PLB1: variants seen among roughly 807,000 people sequenced by gnomAD.
PLB1 encodes the protein phospholipase B1, also known as phospholipase B1, membrane-associated.
Under a neutral mutation model 227.4 loss-of-function variants are expected in PLB1, and 242 were observed. The ratio of observed to expected loss-of-function variants is 1.06; its 90% CI spans 0.96 to 1.18. PLB1 has a LOEUF of 1.18. Among genes scored for constraint, PLB1 ranks in the 50% most tolerant of loss-of-function variants. The pLI is 0.00. For synonymous variants in PLB1, 757 were observed against 682.2 expected, an observed-to-expected ratio of 1.11 and a Z score of -1.71; for missense variants, 1,858 against 1,816.3, an observed-to-expected ratio of 1.02 and a Z score of -0.42.
At chr2:28,526,797 T>C (rs1269734061) in intron 6 of PLB1, among the ~76,000 whole-genome samples, 4 of 152,146 alleles carry the variant, frequency 2.6e-5, no homozygotes, top group African/African-American at 7.2e-5. Context: ...AGCCAGTGAA[T>C]TGAAAGGAGG....
chr2:28,544,876 G>A (rs761672248), intron 14 of PLB1, among the ~76,000 whole-genome samples: 14 of 152,154 alleles, frequency 9.2e-5, no homozygotes, highest in East Asian at 1.9e-4. Flanking sequence ...GGCTCCCAGC[G>A]TGAAAGGAGC....
chr2:28,554,354 G>A (rs115883872), intron 17 of PLB1, among the ~76,000 whole-genome samples: 2,034 of 151,782 alleles, frequency 0.013, 29 homozygotes, highest in Middle Eastern at 0.027. Context: ...TTGAAACACG[G>A]TCTTACTCTG....
At chr2:28,596,163 G>T (rs1682883106) in intron 33 of PLB1, 1 of 152,068 alleles carries the variant, frequency 6.6e-6, no homozygotes, top group Admixed American at 6.6e-5. Flanking sequence ...TACACTTTAG[G>T]TGACAACAGA....
intron 9 of PLB1, among the ~76,000 whole-genome samples, chr2:28,537,190 T>C (rs1671804187): frequency 6.6e-6 from 1 of 152,028 alleles, no homozygotes; most frequent in Non-Finnish European, 1.5e-5. Context: ...ACAGGGACAC[T>C]GCATTTCCTC....
At position 28,625,090 on chromosome 2, in the gene PLB1, G is replaced by T. The variant is rs762526378; in HGVS notation, c.3561G>T (p.Glu1187Asp). The T allele has an allele frequency of 2.5e-6, 4 of 1,613,482 alleles. No homozygotes were observed. The highest frequency in any genetic ancestry group is 2.5e-6 in the Non-Finnish European group (3 of 1,179,642). Reference protein sequence around the residue: ...DMPAQAWDLVERMKNSPDINL... With the variant: ...DMPAQAWDLVDRMKNSPDINL... ...CAGCCCAGGCCTGGGACCTGGTAGAGCGAATGAAAAACAGCCCCGTGAGTA... is the reference window on the plus strand; with the variant it reads ...CAGCCCAGGCCTGGGACCTGGTAGATCGAATGAAAAACAGCCCCGTGAGTA... Residue 1187 changes from glutamate to aspartate, a missense_variant, in exon 50 of 58, where the codon GAG (glutamate) becomes GAT (aspartate). Transcript: ENST00000327757.
chr2:28,497,056 C>T (rs1666540753), intron 1 of PLB1, among the ~76,000 whole-genome samples: 1 of 152,182 alleles, frequency 6.6e-6, no homozygotes, highest in African/African-American at 2.4e-5. Flanking sequence ...GCCTTCTGCA[C>T]AGGATGATTG....
Position 28,606,485 on chromosome 2 carries a change from T to C in PLB1, c.3058-11T>C. The C allele has an allele frequency of 6.2e-7, 1 of 1,613,420 alleles. No homozygotes were observed. Among genetic ancestry groups the C allele is most frequent in the Non-Finnish European group, 8.5e-7 (1 of 1,179,338 alleles). On this transcript the variant is annotated splice_polypyrimidine_tract_variant and intron_variant, in intron 42 of 57. Coordinates refer to ENST00000327757, the MANE Select transcript of PLB1 (RefSeq NM_153021.5). ...TACTACACCCGTGTCTCTCTTTTCT[T>C]CCCTGATCAGCTTGAACCACTTGGA... is the stretch of plus-strand genomic sequence containing the variant.
intron 21 of PLB1, among the ~76,000 whole-genome samples, 172 bp from the exon 22 acceptor site, chr2:28,577,935 C>T (rs1573107005): frequency 6.6e-6 from 1 of 152,232 alleles, no homozygotes; most frequent in Admixed American, 6.5e-5. Flanking sequence ...CCCACACCCC[C>T]GCAGTGGAGC....
intron 43 of PLB1, among the ~76,000 whole-genome samples, chr2:28,613,550 GA>G (rs963094214): frequency 1.9e-4 from 28 of 146,278 alleles, no homozygotes; most frequent in East Asian, 4.0e-4. Context: ...TGTTTTACAA[GA>G]AAAAAAAAAT....
rs752037148 is a variant in PLB1 at position 28,566,818 on chromosome 2, G to T, written c.1303G>T (p.Gly435Cys). 6.2e-7 allele frequency: 1 copy of T among 1,614,088 alleles called. No homozygotes were observed. Among genetic ancestry groups the T allele is most frequent in the South Asian group, 1.1e-5 (1 of 91,074 alleles). ...SWSVGGDENI[G>C]TVTTLANILR... ...CAGCGTCGGCGGAGATGAGAACATCGGCACCGTTACCACCCTGGCGAGTGA... is the reference window on the plus strand; with the variant it reads ...CAGCGTCGGCGGAGATGAGAACATCTGCACCGTTACCACCCTGGCGAGTGA... Residue 435 changes from glycine to cysteine, a missense_variant, in exon 20 of 58, where the codon GGC becomes TGC. By Grantham distance (159) the Gly-to-Cys change is radical. Transcript: ENST00000327757.
At chr2:28,534,809 G>A (rs1206432389) in intron 9 of PLB1, among the ~76,000 whole-genome samples, 3 of 151,766 alleles carry the variant, frequency 2.0e-5, no homozygotes, top group South Asian at 2.1e-4. Flanking sequence ...AGCCAAGATC[G>A]CACTACTGCA....
At chr2:28,612,631 CAG>C (rs1250643173) in intron 43 of PLB1, among the ~76,000 whole-genome samples, 6 of 134,056 alleles carry the variant, frequency 4.5e-5, no homozygotes, top group South Asian at 4.7e-4. Flanking sequence ...TTTTTTGAAA[CAG>C]AGTCTTGCTC....
intron 9 of PLB1, among the ~76,000 whole-genome samples, chr2:28,537,975 T>G (rs1286029731): frequency 6.6e-6 from 1 of 152,166 alleles, no homozygotes; most frequent in Non-Finnish European, 1.5e-5. Flanking sequence ...TCCTCAAGTC[T>G]TTGGGAGTAA....
At chr2:28,570,235 A>AC (rs1677777773) in intron 20 of PLB1, among the ~76,000 whole-genome samples, 1 of 152,182 alleles carries the variant, frequency 6.6e-6, no homozygotes, top group South Asian at 2.1e-4. Context: ...GAAAAGTATG[A>AC]CCAGTAAGTA....
chr2:28,574,260 G>A (rs893862965), intron 21 of PLB1, among the ~76,000 whole-genome samples: 3 of 151,980 alleles, frequency 2.0e-5, no homozygotes, highest in African/African-American at 7.3e-5. Context: ...GTTGTTTAGT[G>A]GTGATTTCTG....
rs1410258385 is a variant in PLB1 at position 28,529,714 on chromosome 2, C to T, written c.417-14C>T. 2 of 1,613,678 alleles carry T rather than the reference C, an allele frequency of 1.2e-6. No individual in the cohort carries two copies. Among genetic ancestry groups the T allele is most frequent in the Admixed American group, 1.7e-5 (1 of 60,010 alleles). ...ATTTAGCCAATTTTTCTCTGTTTCC[C>T]TCCCTCTGCACAGAGACTTGTGGAT... is the stretch of plus-strand genomic sequence containing the variant. On this transcript the variant is annotated splice_polypyrimidine_tract_variant and intron_variant, in intron 7 of 57. Transcript: ENST00000327757.
intron 15 of PLB1, 52 bp downstream of exon 15, chr2:28,548,983 G>C (rs769889817): frequency 7.0e-6 from 11 of 1,563,324 alleles, no homozygotes; most frequent in Non-Finnish European, 9.7e-6. Flanking sequence ...GGGCGCAGGT[G>C]GGGTGGCCAA....
At chr2:28,567,536 C>T (rs1284614017) in intron 20 of PLB1, among the ~76,000 whole-genome samples, 2 of 135,890 alleles carry the variant, frequency 1.5e-5, no homozygotes, top group Admixed American at 1.6e-4. Context: ...CAGAGTGGCG[C>T]CATCTCAGCT....
intron 1 of PLB1, among the ~76,000 whole-genome samples, chr2:28,503,580 G>A (rs1667334936): frequency 2.0e-5 from 3 of 152,310 alleles, no homozygotes; most frequent in Middle Eastern, 3.4e-3. Flanking sequence ...GAAGACTTCA[G>A]CAGAAACATC....
Sources: allele counts gnomAD v4.1 joint callset (sites outside exome capture counted in the v4.1 genomes callset), GRCh38; gene constraint gnomAD v4.1.1; transcripts MANE v1.5; gene names NCBI Gene and HGNC (gene_info 2026-07-23, HGNC 2026-07-21).